The following OSBPL6 variants were observed in gnomAD, a reference collection of about 807,000 sequenced individuals.
OSBPL6 encodes the protein oxysterol binding protein like 6.
A neutral mutation model predicts 125.8 loss-of-function variants in OSBPL6; 49 were observed. That is an observed-to-expected ratio of 0.39 (90% CI 0.31 to 0.49). The LOEUF (loss-of-function observed/expected upper bound fraction) is 0.49. Ranked by LOEUF, OSBPL6 falls within the 20% of genes least tolerant of loss-of-function variation. The probability of loss-of-function intolerance (pLI) is 0.88; values close to 1 mark genes in which losing one functional copy is unlikely to be tolerated. For missense variants in OSBPL6, 986 were observed against 1,135.4 expected, an observed-to-expected ratio of 0.87 and a Z score of 1.89; for synonymous variants, 394 against 391.8, an observed-to-expected ratio of 1.01 and a Z score of -0.07.
At chr2:178,384,794 A>G (rs1048543037) in intron 18 of OSBPL6, among the ~76,000 whole-genome samples, 6 of 152,148 alleles carry the variant, frequency 3.9e-5, no homozygotes, top group Non-Finnish European at 8.8e-5. Context: ...TTGAAATTCA[A>G]CAGAACTGTT....
At chr2:178,227,396 G>A (rs1227567787) in intron 1 of OSBPL6, among the ~76,000 whole-genome samples, 1 of 152,178 alleles carries the variant, frequency 6.6e-6, no homozygotes, top group African/African-American at 2.4e-5. Flanking sequence ...CTGGCATTAT[G>A]TCATAGAATT....
At chr2:178,390,818 G>A (rs1461288274) in intron 21 of OSBPL6, among the ~76,000 whole-genome samples, 1 of 152,164 alleles carries the variant, frequency 6.6e-6, no homozygotes, top group Non-Finnish European at 1.5e-5. Context: ...TTAATATTAG[G>A]TTCTTGGGAT....
At position 178,324,240 on chromosome 2, in the gene OSBPL6, C is replaced by A; in HGVS notation, c.166C>A (p.Leu56Ile). Residue 56 changes from leucine (L) to isoleucine (I), a missense_variant, in exon 4 of 25, where the codon CTA (leucine) becomes ATA (isoleucine). Physicochemically the swap from Leu to Ile is conservative, Grantham distance 5. Coordinates refer to ENST00000190611, the MANE Select transcript of OSBPL6 (RefSeq NM_032523.4). The stretch of plus-strand genomic sequence containing the variant: ...CGAGCCCTCTGTAAGTCGGCAATTG[C>A]TAGAACCGGAGCCAGTCCCCCTCTC... Reference protein sequence around the residue: ...STEPSVSRQLLEPEPVPLSKE... With the variant: ...STEPSVSRQLIEPEPVPLSKE... 2 of 1,578,188 alleles carry A rather than the reference C, an allele frequency of 1.3e-6. No individual in the cohort carries two copies. Among genetic ancestry groups the A allele is most frequent in the Admixed American group, 1.7e-5 (1 of 58,184 alleles).
chr2:178,314,422 C>G (rs889667914), intron 3 of OSBPL6, among the ~76,000 whole-genome samples: 1 of 152,174 alleles, frequency 6.6e-6, no homozygotes, highest in African/African-American at 2.4e-5. Flanking sequence ...CTAACCTGAT[C>G]TGAAAATCTG....
chr2:178,379,803 A>C lies in OSBPL6; in HGVS notation c.1534-2617A>C, dbSNP rs1191115035. ...GAACCAGTTGCAGCGGGAAAATATG[A>C]ATCAGAAAAAGATTTTGTTCTCAAT... On this transcript the variant is annotated intron_variant, in intron 15 of 24. Coordinates refer to ENST00000190611, the MANE Select transcript of OSBPL6 (RefSeq NM_032523.4). 5.9e-5 allele frequency among the ~76,000 whole-genome samples: 9 copies of C among 152,218 alleles called. No individual in the cohort carries two copies. In the East Asian group the frequency reaches 1.7e-3, roughly 29 times the overall value.
At chr2:178,334,513 T>C (rs1689507651) in intron 8 of OSBPL6, among the ~76,000 whole-genome samples, 1 of 152,182 alleles carries the variant, frequency 6.6e-6, no homozygotes, top group African/African-American at 2.4e-5. Context: ...ACGTTATTTA[T>C]TTATTTACTT....
chr2:178,265,780 C>T (rs886314540), intron 1 of OSBPL6, among the ~76,000 whole-genome samples: 1 of 152,112 alleles, frequency 6.6e-6, no homozygotes, highest in African/African-American at 2.4e-5. Flanking sequence ...CTCCCCTTTC[C>T]TCCTCTACCT....
intron 1 of OSBPL6, among the ~76,000 whole-genome samples, chr2:178,227,881 G>A (rs1023351452): frequency 5.3e-5 from 8 of 152,160 alleles, no homozygotes; most frequent in Non-Finnish European, 8.8e-5. Context: ...GACCATTTGG[G>A]TAGATAAGTT....
intron 12 of OSBPL6, among the ~76,000 whole-genome samples, chr2:178,357,643 A>G (rs1691932422): frequency 1.3e-5 from 2 of 152,236 alleles, no homozygotes; most frequent in Non-Finnish European, 2.9e-5. Context: ...GTGGAAGTGT[A>G]AATTAGTTCA....
chr2:178,291,625 A>G (rs1407148120), intron 2 of OSBPL6, among the ~76,000 whole-genome samples: 1 of 151,902 alleles, frequency 6.6e-6, no homozygotes, highest in African/African-American at 2.4e-5. Flanking sequence ...TGACCCGTGG[A>G]GAATGTTAGT....
chr2:178,268,923 GC>G (rs955972149), intron 1 of OSBPL6, among the ~76,000 whole-genome samples: 2 of 152,070 alleles, frequency 1.3e-5, no homozygotes, highest in Non-Finnish European at 2.9e-5. Context: ...TGGACTTTTT[GC>G]CCCATTGTCC....
intron 1 of OSBPL6, among the ~76,000 whole-genome samples, chr2:178,255,447 G>A (rs942097387): frequency 6.6e-6 from 1 of 152,244 alleles, no homozygotes. Flanking sequence ...CAGGGATTCA[G>A]TTACCTGCCA....
At chr2:178,209,955 G>A (rs185872894) in intron 1 of OSBPL6, among the ~76,000 whole-genome samples, 18 of 151,422 alleles carry the variant, frequency 1.2e-4, no homozygotes, top group African/African-American at 4.4e-4. Flanking sequence ...ATAGCCATAT[G>A]TACTCTGAAA....
intron 1 of OSBPL6, among the ~76,000 whole-genome samples, chr2:178,244,192 A>G (rs953324776): frequency 6.6e-6 from 1 of 152,104 alleles, no homozygotes. Context: ...GCCTTTGCAC[A>G]TGCTACTCCC....
chr2:178,322,143 A>G (rs1574863268), intron 3 of OSBPL6, among the ~76,000 whole-genome samples: 1 of 152,266 alleles, frequency 6.6e-6, no homozygotes, highest in East Asian at 1.9e-4. Context: ...AAGTTAGGGG[A>G]TTTAATTTCC....
rs189644548 is a variant in OSBPL6 at position 178,273,039 on chromosome 2, G to A, written c.-350-11888G>A. Among the ~76,000 whole-genome samples, 209 of 152,312 alleles carry A rather than the reference G, an allele frequency of 1.4e-3. 1 individual carries two copies. The highest frequency in any genetic ancestry group is 2.0e-3 in the Admixed American group (31 of 15,294). The stretch of plus-strand genomic sequence containing the variant: ...GAATGGCTTCTTGTCATCCAGACAG[G>A]GCCTGAAAAGGATGGGATTTAGACT... On this transcript the variant is annotated intron_variant, in intron 1 of 24. Transcript: ENST00000190611.
chr2:178,232,825 G>A (rs1344168541), intron 1 of OSBPL6, among the ~76,000 whole-genome samples: 4 of 151,828 alleles, frequency 2.6e-5, no homozygotes, highest in Non-Finnish European at 4.4e-5. Flanking sequence ...AATATCCCTC[G>A]CAGTACCTTT....
At chr2:178,305,222 T>C (rs1686653030) in intron 2 of OSBPL6, among the ~76,000 whole-genome samples, 1 of 152,216 alleles carries the variant, frequency 6.6e-6, no homozygotes, top group African/African-American at 2.4e-5. Flanking sequence ...ATATCATTTT[T>C]TAAGCTTTTA....
chr2:178,232,649 T>G (rs2090884677), intron 1 of OSBPL6, among the ~76,000 whole-genome samples: 1 of 152,230 alleles, frequency 6.6e-6, no homozygotes. Context: ...AGCTCATTAC[T>G]CTTAGCATTT....
Sources: allele counts gnomAD v4.1 joint callset (sites outside exome capture counted in the v4.1 genomes callset), GRCh38; gene constraint gnomAD v4.1.1; transcripts MANE v1.5; gene names NCBI Gene and HGNC (gene_info 2026-07-23, HGNC 2026-07-21).